Variants in KIF16B observed in about 807,000 individuals in gnomAD.
KIF16B encodes kinesin family member 16B.
A neutral mutation model predicts 156.3 loss-of-function variants in KIF16B; 98 were observed. The ratio of observed to expected loss-of-function variants is 0.63; its 90% CI spans 0.53 to 0.74. The LOEUF (loss-of-function observed/expected upper bound fraction) is 0.74, where lower values mean the gene tolerates loss of function less well. Among genes scored for constraint, KIF16B ranks in the 30% least tolerant of loss-of-function variants. KIF16B has a pLI of 0.00. For missense variants in KIF16B, 1,421 were observed against 1,606.5 expected (o/e 0.88, Z 1.97); for synonymous variants, 564 against 583.7 (o/e 0.97, Z 0.49).
chr20:16,289,377 CT>C (rs1568818144), intron 25 of KIF16B, among the ~76,000 whole-genome samples: 1 of 152,102 alleles, frequency 6.6e-6, no homozygotes. Flanking sequence ...TAATTTTCCC[CT>C]CTTTTAAATG....
intron 12 of KIF16B, among the ~76,000 whole-genome samples, chr20:16,451,203 G>C (rs923018560): frequency 1.3e-5 from 2 of 152,088 alleles, no homozygotes; most frequent in Non-Finnish European, 2.9e-5. Context: ...ATGTCTTTAG[G>C]GAAAACATTT....
At chr20:16,509,216 C>T (rs2068882098) in intron 6 of KIF16B, among the ~76,000 whole-genome samples, 1 of 152,146 alleles carries the variant, frequency 6.6e-6, no homozygotes, top group African/African-American at 2.4e-5. Flanking sequence ...TATGCATGTA[C>T]CACGACCAAT....
chr20:16,411,346 CT>C (rs1384679535), intron 15 of KIF16B, among the ~76,000 whole-genome samples: 1 of 152,056 alleles, frequency 6.6e-6, no homozygotes, highest in Non-Finnish European at 1.5e-5. Flanking sequence ...GAGCATAGAA[CT>C]TAGCCTTCTG....
chr20:16,371,201 T>C (rs1448326457), intron 21 of KIF16B, among the ~76,000 whole-genome samples: 3 of 152,192 alleles, frequency 2.0e-5, no homozygotes, highest in African/African-American at 7.2e-5. Context: ...ATATTTAATA[T>C]TTTTTTCTAG....
chr20:16,388,194 G>A (rs1030724138), intron 17 of KIF16B, among the ~76,000 whole-genome samples: 9 of 152,140 alleles, frequency 5.9e-5, no homozygotes, highest in African/African-American at 2.2e-4. Context: ...CAGTATGAGG[G>A]GAGAGTCATT....
intron 17 of KIF16B, chr20:16,382,095 T>A: frequency 7.4e-7 from 1 of 1,347,406 alleles, no homozygotes; most frequent in Non-Finnish European, 9.9e-7. Context: ...GGAGAATCTC[T>A]ACCTTAGACA....
At position 16,324,134 on chromosome 20, in the gene KIF16B, T is replaced by G. The variant is rs6034453; in HGVS notation, c.3712-11716A>C. ...TAACTAAAGTGTATTTTCCATTTCT[T>G]ACTACGATTTGAATTGTTGCAGAGA... On this transcript the variant is annotated intron_variant, in intron 24 of 25. Coordinates refer to ENST00000354981, the MANE Select transcript of KIF16B (RefSeq NM_024704.5). Among the ~76,000 whole-genome samples the G allele has an allele frequency of 2.2e-3, 340 of 152,138 alleles. 4 individuals are homozygous for G. In the East Asian group the frequency reaches 0.029, roughly 13 times the overall value.
At chr20:16,310,640 G>C (rs2063605538) in intron 25 of KIF16B, among the ~76,000 whole-genome samples, 1 of 152,150 alleles carries the variant, frequency 6.6e-6, no homozygotes, top group African/African-American at 2.4e-5. Context: ...GAAGAGTTAG[G>C]TAAAGAAAAT....
chr20:16,291,205 C>T (rs2328014), intron 25 of KIF16B, among the ~76,000 whole-genome samples: 35,541 of 152,050 alleles, frequency 0.23, 4,708 homozygotes, highest in East Asian at 0.57. Context: ...TTTACAATAT[C>T]TTCTTTCTTC....
intron 23 of KIF16B, among the ~76,000 whole-genome samples, chr20:16,352,805 C>T (rs2064363608): frequency 6.6e-6 from 1 of 152,198 alleles, no homozygotes; most frequent in Non-Finnish European, 1.5e-5. Context: ...TGTTGTCTCC[C>T]TCCTGGGGCC....
At chr20:16,470,338 G>T (rs35991066) in intron 12 of KIF16B, among the ~76,000 whole-genome samples, 33,206 of 151,952 alleles carry the variant, frequency 0.22, 3,683 homozygotes, top group Admixed American at 0.26. Flanking sequence ...TCTAAATTTT[G>T]AGTGACAATG....
intron 5 of KIF16B, among the ~76,000 whole-genome samples, 167 bp downstream of exon 5, chr20:16,512,659 T>G (rs2068993754): frequency 6.6e-6 from 1 of 152,148 alleles, no homozygotes; most frequent in Non-Finnish European, 1.5e-5. Context: ...CACTAAAAAC[T>G]TATGTGTTTT....
intron 12 of KIF16B, among the ~76,000 whole-genome samples, chr20:16,445,163 G>C (rs2066899402): frequency 6.6e-6 from 1 of 152,002 alleles, no homozygotes; most frequent in Non-Finnish European, 1.5e-5. Context: ...TTGCACCACT[G>C]CACACCAGCC....
intron 25 of KIF16B, among the ~76,000 whole-genome samples, chr20:16,302,635 T>C (rs1184807062): frequency 2.0e-5 from 3 of 152,200 alleles, no homozygotes; most frequent in Non-Finnish European, 4.4e-5. Flanking sequence ...TTCCTACCCA[T>C]GAACATGGAA....
In KIF16B at chr20:16,531,727, G is replaced by A. The variant is rs149864723; in HGVS notation, c.48-3287C>T. ...TATGACAAATTGCAAAGAATATAAC[G>A]ATGAAAGGGAAATCTAAAGCTAGAA... is the stretch of plus-strand genomic sequence containing the variant. On this transcript the variant is annotated intron_variant, in intron 1 of 25. Coordinates refer to ENST00000354981, the MANE Select transcript of KIF16B (RefSeq NM_024704.5). Among the ~76,000 whole-genome samples the A allele has an allele frequency of 1.1e-4, 16 of 152,272 alleles. No homozygotes were observed. In the East Asian group the frequency reaches 1.4e-3, roughly 13 times the overall value.
intron 1 of KIF16B, among the ~76,000 whole-genome samples, chr20:16,533,947 A>T (rs1046761669): frequency 1.4e-4 from 21 of 151,734 alleles, no homozygotes; most frequent in African/African-American, 4.3e-4. Flanking sequence ...GAAACAGTTT[A>T]AAAAAAAATA....
chr20:16,437,560 T>C (rs2066675741), intron 12 of KIF16B, among the ~76,000 whole-genome samples: 1 of 152,180 alleles, frequency 6.6e-6, no homozygotes, highest in Non-Finnish European at 1.5e-5. Flanking sequence ...GTGGATTCTA[T>C]GTGACTAACA....
Position 16,316,580 on chromosome 20 carries a change from C to G in KIF16B, c.3712-4162G>C, listed in dbSNP as rs1281577471. ...GAAAAATGAGGGCCCTGATGCTGAC[C>G]TGCTGAATGACTGGAATGAAGAAGG... On this transcript the variant is annotated intron_variant, in intron 24 of 25. Transcript: ENST00000354981. Among the ~76,000 whole-genome samples the G allele has an allele frequency of 2.0e-5, 3 of 152,260 alleles. No homozygotes were observed. The East Asian group carries it at 5.8e-4, about 29-fold the overall frequency.
At chr20:16,340,675 G>A (rs970780377) in intron 23 of KIF16B, among the ~76,000 whole-genome samples, 9 of 152,310 alleles carry the variant, frequency 5.9e-5, no homozygotes, top group African/African-American at 2.2e-4. Flanking sequence ...TTAGCCTATG[G>A]TGTTTTCCTC....
Sources: gnomAD v4.1 joint callset for allele counts (sites outside exome capture counted in the v4.1 genomes callset) on GRCh38, gnomAD v4.1.1 for gene constraint, MANE v1.5 for transcripts, NCBI Gene and HGNC (gene_info 2026-07-23, HGNC 2026-07-21) for gene names.